The following FBXO17 variants were observed in gnomAD, a reference collection of about 807,000 sequenced individuals.
The protein encoded by FBXO17 is F-box protein 17.
FBXO17 carries 43 observed loss-of-function variants against 34.1 expected under a neutral mutation model. The ratio of observed to expected loss-of-function variants is 1.26; its 90% CI spans 0.99 to 1.62. FBXO17 has a LOEUF of 1.62. Among genes scored for constraint, FBXO17 ranks in the 40% most tolerant of loss-of-function variants. FBXO17 has a pLI of 0.00. For missense variants in FBXO17, 424 were observed against 386.7 expected, an observed-to-expected ratio of 1.10 and a Z score of -0.81; for synonymous variants, 169 against 166.0, an observed-to-expected ratio of 1.02 and a Z score of -0.14.
chr19:38,961,822 C>T (rs1422891897), intron 1 of FBXO17, among the ~76,000 whole-genome samples: 1 of 151,878 alleles, frequency 6.6e-6, no homozygotes, highest in African/African-American at 2.4e-5. Context: ...ACCACCACAC[C>T]CGGCTAATTT....
chr19:38,963,972 CAG>C (rs1975288268), intron 1 of FBXO17, among the ~76,000 whole-genome samples: 1 of 151,918 alleles, frequency 6.6e-6, no homozygotes, highest in African/African-American at 2.4e-5. Flanking sequence ...TTAGTAGAGA[CAG>C]GGTTTCACCA....
chr19:38,949,833 T>G, intron 2 of FBXO17, 138 bp downstream of exon 2: 4 of 1,104,466 alleles, frequency 3.6e-6, no homozygotes, highest in Non-Finnish European at 4.9e-6. Flanking sequence ...GCCCAGGCAC[T>G]GCGTCCCTCA....
At chr19:38,974,235 C>T (rs1162755988) in intron 1 of FBXO17, among the ~76,000 whole-genome samples, 1 of 151,638 alleles carries the variant, frequency 6.6e-6, no homozygotes, top group African/African-American at 2.4e-5. Context: ...GCGCCTACCA[C>T]CACGCCTGGC....
intron 1 of FBXO17, among the ~76,000 whole-genome samples, chr19:38,962,498 C>T (rs568992713): frequency 1.4e-4 from 22 of 152,254 alleles, no homozygotes; most frequent in African/African-American, 5.3e-4. Context: ...AGACACTTCC[C>T]TGTCAGCTGC....
intron 2 of FBXO17, among the ~76,000 whole-genome samples, chr19:38,949,247 G>A (rs977167925): frequency 2.0e-5 from 3 of 151,994 alleles, no homozygotes; most frequent in Non-Finnish European, 4.4e-5. Context: ...GATTACAGGC[G>A]TGCACCACCA....
intron 4 of FBXO17, 81 bp downstream of exon 4, chr19:38,946,391 T>C: frequency 6.3e-7 from 1 of 1,593,994 alleles, no homozygotes; most frequent in East Asian, 2.2e-5. Context: ...GTGGGGTTGA[T>C]GGGGCGGGAA....
chr19:38,957,887 A>G (rs1975190275), intron 1 of FBXO17, among the ~76,000 whole-genome samples: 1 of 152,024 alleles, frequency 6.6e-6, no homozygotes. Context: ...GGATTGCTTG[A>G]GCCCAGGAGT....
rs771791909 is a variant in FBXO17 at position 38,950,080 on chromosome 19, G to C, written c.240C>G (p.Arg80=). Residue 80 remains arginine, a synonymous_variant, in exon 2 of 6, where the codon CGC becomes CGG. Transcript: ENST00000292852. ...CCTTGTCTTCGTTGCTGGGCAGGCA[G>C]CGTTGAGCCACTGCGTAGAGTGCGC... ...EGRALYAVAQ[R]CLPSNEDKEE... is the part of the protein sequence containing the mutation. The C allele has an allele frequency of 3.2e-6, 5 of 1,567,674 alleles. No homozygotes were observed. The African/African-American group carries it at 6.8e-5, about 21-fold the overall frequency.
chr19:38,946,368 A>G, intron 4 of FBXO17, 104 bp downstream of exon 4: 1 of 1,543,396 alleles, frequency 6.5e-7, no homozygotes, highest in Non-Finnish European at 8.8e-7. Context: ...GTGCACAGTG[A>G]CAGCCGCTAC....
At chr19:38,956,423 C>CA (rs2144827175) in intron 1 of FBXO17, among the ~76,000 whole-genome samples, 1 of 152,182 alleles carries the variant, frequency 6.6e-6, no homozygotes, top group South Asian at 2.1e-4. Flanking sequence ...ATGAAGATAA[C>CA]AAGCATTAGA....
chr19:38,962,149 C>CGCCT (rs980392605), intron 1 of FBXO17, among the ~76,000 whole-genome samples: 4 of 147,234 alleles, frequency 2.7e-5, no homozygotes, highest in African/African-American at 1.0e-4. Context: ...CGGTGGCTTA[C>CGCCT]GCCTGCCTCC....
chr19:38,969,554 G>T (rs11672189), intron 1 of FBXO17, among the ~76,000 whole-genome samples: 169 of 150,134 alleles, frequency 1.1e-3, no homozygotes, highest in Non-Finnish European at 2.0e-3. Context: ...ATTCCTGGTG[G>T]AATCCATTTG....
At chr19:38,962,411 C>T (rs1975265179) in intron 1 of FBXO17, among the ~76,000 whole-genome samples, 1 of 152,088 alleles carries the variant, frequency 6.6e-6, no homozygotes, top group Non-Finnish European at 1.5e-5. Flanking sequence ...TACATGCGTG[C>T]GGTTTCTTTA....
rs142493335 is a variant in FBXO17 at position 38,942,466 on chromosome 19, T to C, written c.*142A>G. The C allele has an allele frequency of 1.8e-4, 148 of 825,310 alleles. No individual in the cohort carries two copies. The East Asian group carries it at 4.1e-3, about 23-fold the overall frequency. The allele number at this position is 825,310 out of a possible 1,614,324, so 51.1% of individuals were successfully genotyped here. A position where few individuals can be genotyped will look rare whatever the true frequency, so the allele number is the denominator to read the frequency against. On this transcript the variant is annotated 3_prime_UTR_variant, in exon 6 of 6. Transcript: ENST00000292852. ...ATTTGTGGAGACGGTTTCACTATGT[T>C]GCCCAGGCTGGTCTTGAACTCCCGA...
intron 1 of FBXO17, among the ~76,000 whole-genome samples, chr19:38,950,669 C>T (rs1975070285): frequency 6.6e-6 from 1 of 152,196 alleles, no homozygotes; most frequent in South Asian, 2.1e-4. Flanking sequence ...GGGGACTTTA[C>T]CCATTCCTGC....
intron 1 of FBXO17, among the ~76,000 whole-genome samples, chr19:38,959,471 G>A (rs1022851081): frequency 8.7e-5 from 13 of 148,670 alleles, no homozygotes; most frequent in African/African-American, 3.2e-4. Flanking sequence ...TTTTTTAGTA[G>A]AGACGGGATT....
intron 1 of FBXO17, among the ~76,000 whole-genome samples, chr19:38,969,438 CAAA>C (rs771872488): frequency 1.4e-5 from 1 of 69,830 alleles, no homozygotes; most frequent in Non-Finnish European, 2.9e-5. Context: ...ACTCCATCTC[CAAA>C]AAAAAAAAAA....
At chr19:38,945,306 G>C (rs1305705624) in intron 4 of FBXO17, 2 of 665,258 alleles carry the variant, frequency 3.0e-6, no homozygotes, top group Non-Finnish European at 5.0e-6. Flanking sequence ...AGGAGCCTGG[G>C]TGGTCCTGGG....
intron 5 of FBXO17, among the ~76,000 whole-genome samples, chr19:38,944,522 G>A (rs1974943719): frequency 6.6e-6 from 1 of 152,146 alleles, no homozygotes; most frequent in South Asian, 2.1e-4. Context: ...GGGATTACAG[G>A]TATGAGCCAC....
Sources: gnomAD v4.1 joint callset for allele counts (sites outside exome capture counted in the v4.1 genomes callset) on GRCh38, gnomAD v4.1.1 for gene constraint, MANE v1.5 for transcripts, NCBI Gene and HGNC (gene_info 2026-07-23, HGNC 2026-07-21) for gene names.